Variants in HDAC5 observed in about 807,000 individuals in gnomAD.
HDAC5 encodes histone deacetylase 5, also known as antigen NY-CO-9.
Under a neutral mutation model 133.3 loss-of-function variants are expected in HDAC5, and 25 were observed. The ratio of observed to expected loss-of-function variants is 0.19; its 90% confidence interval spans 0.14 to 0.26. HDAC5 has a LOEUF of 0.26. HDAC5 is among the 10% of genes least tolerant of loss of function. The pLI is 1.00. For synonymous variants in HDAC5, 589 were observed against 610.8 expected (o/e 0.96, Z 0.53); for missense variants, 1,041 against 1,460.5 (o/e 0.71, Z 4.68).
At chr17:44,084,729 C>CT (rs2050566850) in intron 15 of HDAC5, 54 bp from the exon 16 acceptor site, 2 of 1,596,920 alleles carry the variant, frequency 1.3e-6, no homozygotes, top group Non-Finnish European at 1.7e-6. Flanking sequence ...CTCTCAGAGC[C>CT]TCTCTGCCCC....
At chr17:44,083,017 C>T (rs1466190600) in intron 18 of HDAC5, among the ~76,000 whole-genome samples, 197 bp from the exon 19 acceptor site, 1 of 152,074 alleles carries the variant, frequency 6.6e-6, no homozygotes, top group Non-Finnish European at 1.5e-5. Context: ...CTTGCTTTGT[C>T]ACCCAGGCTG....
chr17:44,120,312 T>A (rs1209139413), intron 1 of HDAC5: 1 of 152,176 alleles, frequency 6.6e-6, no homozygotes, highest in Non-Finnish European at 1.5e-5. Context: ...AGTACCACCA[T>A]GCAACCCCCT....
In HDAC5 at chr17:44,083,860, T is replaced by A; in HGVS notation, c.2306-6A>T. ...CATCTTCTGGCTGATGGGGCCTGCATGGAAGAGGAATAGAGCTACTCTAGA... is the reference window on the plus strand; with the variant it reads ...CATCTTCTGGCTGATGGGGCCTGCAAGGAAGAGGAATAGAGCTACTCTAGA... On this transcript the variant is annotated splice_polypyrimidine_tract_variant and splice_region_variant and intron_variant, in intron 16 of 26. Transcript: ENST00000682912. 2.5e-6 allele frequency: 4 copies of A among 1,611,724 alleles called. 1 individual carries two copies. In the South Asian group the frequency reaches 4.4e-5, roughly 18 times the overall value.
chr17:44,095,826 G>A (rs430243), intron 3 of HDAC5, among the ~76,000 whole-genome samples: 1 of 151,994 alleles, frequency 6.6e-6, no homozygotes, highest in Non-Finnish European at 1.5e-5. Context: ...AGGAGCTTCG[G>A]CAGAGATCTC....
intron 15 of HDAC5, among the ~76,000 whole-genome samples, 163 bp from the exon 16 acceptor site, chr17:44,084,838 C>G (rs1233127531): frequency 1.3e-5 from 2 of 152,164 alleles, no homozygotes; most frequent in Non-Finnish European, 2.9e-5. Context: ...CCGGATCCCC[C>G]CCACTCAGCT....
intron 3 of HDAC5, among the ~76,000 whole-genome samples, chr17:44,106,206 G>A (rs1353824344): frequency 6.6e-6 from 1 of 152,176 alleles, no homozygotes; most frequent in East Asian, 1.9e-4. Flanking sequence ...TGAGGCAGGG[G>A]GAGGGGGACA....
intron 2 of HDAC5, chr17:44,111,430 A>C: frequency 2.5e-6 from 1 of 392,856 alleles, no homozygotes; most frequent in Admixed American, 2.8e-5. Flanking sequence ...GGCCAAGGCC[A>C]CAGCGCTGGG....
chr17:44,119,123 G>A (rs1477661345), intron 1 of HDAC5, among the ~76,000 whole-genome samples: 4 of 152,204 alleles, frequency 2.6e-5, no homozygotes, highest in Non-Finnish European at 4.4e-5. Flanking sequence ...CTCCTGACGG[G>A]CACAGGTATG....
intron 3 of HDAC5, among the ~76,000 whole-genome samples, chr17:44,104,548 C>G (rs2051816117): frequency 6.6e-6 from 1 of 152,176 alleles, no homozygotes. Context: ...CAGCCAGCGG[C>G]TGGGTGTCGA....
At chr17:44,105,403 T>G (rs531280608) in intron 3 of HDAC5, among the ~76,000 whole-genome samples, 1 of 152,174 alleles carries the variant, frequency 6.6e-6, no homozygotes, top group African/African-American at 2.4e-5. Context: ...TCTGGAGAAA[T>G]AGACTCACAT....
chr17:44,102,710 G>A (rs1223503251), intron 3 of HDAC5, among the ~76,000 whole-genome samples: 2 of 145,570 alleles, frequency 1.4e-5, no homozygotes, highest in Non-Finnish European at 3.0e-5. Context: ...TTGCCCAGCT[G>A]GAGTGCGGTG....
chr17:44,093,248 AC>A (rs772282848), intron 5 of HDAC5, 42 bp from the exon 6 acceptor site: 1 of 1,586,756 alleles, frequency 6.3e-7, no homozygotes, highest in East Asian at 2.3e-5. Context: ...TTGGGGCCAG[AC>A]CCCCCATGGC....
At chr17:44,107,949 T>C (rs2052074156) in intron 3 of HDAC5, among the ~76,000 whole-genome samples, 2 of 152,118 alleles carry the variant, frequency 1.3e-5, no homozygotes, top group African/African-American at 2.4e-5. Flanking sequence ...CTCCACCCAG[T>C]ACAAGACAAA....
At chr17:44,104,443 A>T (rs1035329208) in intron 3 of HDAC5, among the ~76,000 whole-genome samples, 23 of 152,226 alleles carry the variant, frequency 1.5e-4, no homozygotes, top group Non-Finnish European at 5.9e-5. Flanking sequence ...ACCAGAGGGA[A>T]GTCTTAGCAC....
At chr17:44,088,358 C>T in intron 12 of HDAC5, 29 bp downstream of exon 12, 1 of 1,543,688 alleles carries the variant, frequency 6.5e-7, no homozygotes. Context: ...CCCACCACAG[C>T]CCCAGGCCAT....
Position 44,083,789 on chromosome 17 carries a change from T to C in HDAC5, c.2355+16A>G, listed in dbSNP as rs1217777163. ...AGAGCCGCCCGCCCACCCCCACTGC[T>C]GTACGCCCTACTCACCCCGATGCCC... On this transcript the variant is annotated intron_variant, in intron 17 of 26. Coordinates refer to ENST00000682912, the MANE Select transcript of HDAC5 (RefSeq NM_005474.5). 6 of 1,425,962 alleles carry C rather than the reference T, an allele frequency of 4.2e-6. No homozygotes were observed. The highest frequency in any genetic ancestry group is 2.8e-5 in the African/African-American group (2 of 70,272). The allele number at this position is 1,425,962 out of a possible 1,614,324, so 88.3% of individuals were successfully genotyped here. A position where few individuals can be genotyped will look rare whatever the true frequency, so the allele number is the denominator to read the frequency against.
In HDAC5 at chr17:44,080,177, T is replaced by C. The variant is rs148260136; in HGVS notation, c.2874A>G (p.Leu958=). ...IAHEFSPDVV[L]VSAGFDAVEG... Reference sequence around the variant, plus strand: ...CAACAGCATCAAACCCGGCGGAGACTAGGACCACATCAGGTGAGAACTCGT... The same window carrying C: ...CAACAGCATCAAACCCGGCGGAGACCAGGACCACATCAGGTGAGAACTCGT... Residue 958 remains leucine (L), a synonymous_variant, in exon 23 of 27, where the codon CTA becomes CTG. Coordinates refer to ENST00000682912, the MANE Select transcript of HDAC5 (RefSeq NM_005474.5). The C allele has an allele frequency of 8.7e-6, 14 of 1,614,014 alleles. No individual in the cohort carries two copies. The highest frequency in any genetic ancestry group is 6.7e-5 in the East Asian group (3 of 44,890).
intron 3 of HDAC5, among the ~76,000 whole-genome samples, chr17:44,104,083 C>A (rs544375349): frequency 6.6e-6 from 1 of 151,814 alleles, no homozygotes; most frequent in East Asian, 2.0e-4. Flanking sequence ...CACTTTGGGA[C>A]CCCGAGGTGG....
rs141329994 is a variant in HDAC5 at position 44,091,460 on chromosome 17, G to A, written c.1197C>T (p.Ala399=). ...ASPKLSTQQE[A]ERQALQSLRQ... Reference sequence around the variant, plus strand: ...GCAGGGACTGGAGGGCCTGCCTCTCGGCCTCCTGCTGTGTCGACAGCTTCG... The same window carrying A: ...GCAGGGACTGGAGGGCCTGCCTCTCAGCCTCCTGCTGTGTCGACAGCTTCG... Residue 399 remains alanine, a synonymous_variant, in exon 11 of 27, where the codon GCC becomes GCT. Coordinates refer to ENST00000682912, the MANE Select transcript of HDAC5 (RefSeq NM_005474.5). 102 of 1,544,720 alleles carry A rather than the reference G, an allele frequency of 6.6e-5. No individual in the cohort carries two copies. Among genetic ancestry groups the A allele is most frequent in the African/African-American group, 3.8e-4 (28 of 72,886 alleles).
Sources: allele counts gnomAD v4.1 joint callset (sites outside exome capture counted in the v4.1 genomes callset), GRCh38; gene constraint gnomAD v4.1.1; transcripts MANE v1.5; gene names NCBI Gene and HGNC (gene_info 2026-07-23, HGNC 2026-07-21).